ITGB1: variants seen among roughly 807,000 people sequenced by gnomAD.
The protein encoded by ITGB1 is integrin subunit beta 1.
ITGB1 carries 24 observed loss-of-function variants against 86.5 expected under a neutral mutation model. The ratio of observed to expected loss-of-function variants is 0.28; its 90% confidence interval spans 0.20 to 0.39. The LOEUF (loss-of-function observed/expected upper bound fraction) is 0.39. ITGB1 is among the 10% of genes least tolerant of loss of function. ITGB1 has a pLI of 1.00. For missense variants in ITGB1, 556 were observed against 946.9 expected (o/e 0.59, Z 5.42); for synonymous variants, 323 against 316.8 (o/e 1.02, Z -0.21).
chr10:32,957,288 GTTAC>G lies in ITGB1; in HGVS notation c.-1+853_-1+856del, dbSNP rs1273306264. Among the ~76,000 whole-genome samples, 4 of 152,162 alleles carry G rather than the reference GTTAC, an allele frequency of 2.6e-5. No individual in the cohort carries two copies. In the East Asian group the frequency reaches 7.7e-4, roughly 29 times the overall value. ...AAAGCACGAATTTGATTAAATAAAA[GTTAC>G]TTAGAGAGTAGGAGTCTCATAAATC... On this transcript the variant is annotated intron_variant, in intron 1 of 15. Coordinates refer to ENST00000302278, the MANE Select transcript of ITGB1 (RefSeq NM_002211.4).
intron 7 of ITGB1, among the ~76,000 whole-genome samples, 185 bp downstream of exon 7, chr10:32,923,400 T>C (rs1029411356): frequency 3.9e-5 from 6 of 152,110 alleles, no homozygotes; most frequent in Admixed American, 2.0e-4. Flanking sequence ...AGGAAGCAAA[T>C]ACAAAGCTGC....
chr10:32,929,910 G>A lies in ITGB1; in HGVS notation c.288C>T (p.Thr96=). Residue 96 remains threonine (T), a synonymous_variant, in exon 4 of 16, where the codon ACC becomes ACT. Transcript: ENST00000302278. ...SKDIKKNKNV[T]NRSKGTAEKL... ...TCTCTGCTGTTCCTTTGCTACGGTT[G>A]GTTACATTTTTATTTTTCTTTATAT... is the stretch of plus-strand genomic sequence containing the variant. 1 of 1,610,280 alleles carries A rather than the reference G, an allele frequency of 6.2e-7. No individual in the cohort carries two copies. The highest frequency in any genetic ancestry group is 1.1e-5 in the South Asian group (1 of 91,000).
chr10:32,929,204 T>TA (rs143341662), intron 4 of ITGB1, among the ~76,000 whole-genome samples: 1 of 146,594 alleles, frequency 6.8e-6, no homozygotes, highest in Non-Finnish European at 1.5e-5. Context: ...ACAGAAGAGT[T>TA]AAAAAAAATC....
In ITGB1 at chr10:32,922,287, A is replaced by G. The variant is rs760293012; in HGVS notation, c.1098T>C (p.Asn366=). The G allele has an allele frequency of 1.2e-6, 2 of 1,608,540 alleles. No individual in the cohort carries two copies. Among genetic ancestry groups the G allele is most frequent in the East Asian group, 2.2e-5 (1 of 44,632 alleles). ...ATGCATCAATGATCAACTGAATTAC[A>G]TTGCTAGAATTTGCAGATAATGTTC... The part of the protein sequence containing the change: ...AVGTLSANSS[N]VIQLIIDAYN... The change falls in exon 9 of 16, where the codon AAT becomes AAC. Residue 366 remains asparagine (N), a synonymous_variant. Coordinates refer to ENST00000302278, the MANE Select transcript of ITGB1 (RefSeq NM_002211.4).
intron 11 of ITGB1, among the ~76,000 whole-genome samples, chr10:32,913,681 G>A (rs991892329): frequency 2.6e-5 from 4 of 152,174 alleles, no homozygotes; most frequent in Non-Finnish European, 5.9e-5. Flanking sequence ...AGACCAAATC[G>A]ATGTCTGATT....
chr10:32,904,484 C>A (rs2094890923), intron 15 of ITGB1, among the ~76,000 whole-genome samples: 1 of 152,144 alleles, frequency 6.6e-6, no homozygotes, highest in Non-Finnish European at 1.5e-5. Flanking sequence ...CAGATGAGGA[C>A]AGACCATTTT....
intron 15 of ITGB1, among the ~76,000 whole-genome samples, chr10:32,904,310 G>A (rs949981182): frequency 7.2e-5 from 11 of 152,132 alleles, no homozygotes; most frequent in African/African-American, 2.7e-4. Flanking sequence ...CAAGAGAACA[G>A]GGTTATATTA....
intron 11 of ITGB1, among the ~76,000 whole-genome samples, chr10:32,916,012 C>A (rs2094930312): frequency 6.6e-6 from 1 of 152,032 alleles, no homozygotes; most frequent in Non-Finnish European, 1.5e-5. Context: ...TCAACACAGG[C>A]AATCAATAAA....
chr10:32,950,619 C>T (rs1347915225), intron 1 of ITGB1, among the ~76,000 whole-genome samples: 1 of 152,084 alleles, frequency 6.6e-6, no homozygotes, highest in African/African-American at 2.4e-5. Flanking sequence ...TGTAACACCA[C>T]ATTTGAAGTC....
intron 2 of ITGB1, among the ~76,000 whole-genome samples, chr10:32,934,514 T>C (rs1347349175): frequency 6.6e-6 from 1 of 152,206 alleles, no homozygotes; most frequent in Non-Finnish European, 1.5e-5. Flanking sequence ...ACACTACTAA[T>C]ATAAGCTCCC....
intron 11 of ITGB1, among the ~76,000 whole-genome samples, chr10:32,913,772 C>T (rs908059801): frequency 3.3e-5 from 5 of 152,126 alleles, no homozygotes; most frequent in Admixed American, 6.5e-5. Flanking sequence ...ACTTCCCCAA[C>T]CTAGCAAGGC....
At chr10:32,923,851 C>T in intron 6 of ITGB1, 111 bp from the exon 7 acceptor site, 1 of 860,072 alleles carries the variant, frequency 1.2e-6, no homozygotes, top group Non-Finnish European at 1.8e-6. Flanking sequence ...TCTGTATTTT[C>T]TGTGTCTTCT....
At chr10:32,916,421 G>C (rs2094931743) in intron 11 of ITGB1, among the ~76,000 whole-genome samples, 1 of 152,202 alleles carries the variant, frequency 6.6e-6, no homozygotes, top group Non-Finnish European at 1.5e-5. Context: ...CAGATGACAT[G>C]ATTGTATATT....
At chr10:32,921,477 T>C (rs1334860890) in intron 9 of ITGB1, among the ~76,000 whole-genome samples, 1 of 152,200 alleles carries the variant, frequency 6.6e-6, no homozygotes, top group African/African-American at 2.4e-5. Context: ...GGTACCCCCA[T>C]GACATGAAGT....
chr10:32,903,293 A>G (rs2094886766), intron 15 of ITGB1, among the ~76,000 whole-genome samples: 1 of 137,556 alleles, frequency 7.3e-6, no homozygotes, highest in East Asian at 2.5e-4. Context: ...CGGAGATTGT[A>G]GTGAGCTGAG....
chr10:32,903,013 A>T (rs1472488262), intron 15 of ITGB1, among the ~76,000 whole-genome samples: 2 of 151,654 alleles, frequency 1.3e-5, no homozygotes, highest in Non-Finnish European at 2.9e-5. Flanking sequence ...TGTAGGGAAA[A>T]GAATGGGACA....
chr10:32,952,401 T>C (rs961440597), intron 1 of ITGB1, among the ~76,000 whole-genome samples: 1 of 152,182 alleles, frequency 6.6e-6, no homozygotes, highest in Non-Finnish European at 1.5e-5. Context: ...GTAACATTTT[T>C]CTAACATAAC....
At chr10:32,912,788 G>T (rs117370627) in intron 11 of ITGB1, among the ~76,000 whole-genome samples, 1 of 152,190 alleles carries the variant, frequency 6.6e-6, no homozygotes, top group Non-Finnish European at 1.5e-5. Context: ...TTAAACATCC[G>T]TGTCTGACAG....
chr10:32,939,406 G>C (rs1368530640), intron 1 of ITGB1, among the ~76,000 whole-genome samples: 2 of 152,186 alleles, frequency 1.3e-5, no homozygotes, highest in African/African-American at 4.8e-5. Flanking sequence ...AGAGCTCTGA[G>C]AAATGCGAAG....
Sources: gnomAD v4.1 joint callset for allele counts (sites outside exome capture counted in the v4.1 genomes callset) on GRCh38, gnomAD v4.1.1 for gene constraint, MANE v1.5 for transcripts, NCBI Gene and HGNC (gene_info 2026-07-23, HGNC 2026-07-21) for gene names.